Variants in SPINK8 observed in about 807,000 individuals in gnomAD.
SPINK8 encodes the protein serine peptidase inhibitor Kazal type 8 (putative).
A neutral mutation model predicts 14.4 loss-of-function variants in SPINK8; 12 were observed. That is an observed-to-expected ratio of 0.83 (90% CI 0.53 to 1.35). The LOEUF is 1.35. Ranked by LOEUF, SPINK8 falls within the 40% of genes most tolerant of loss-of-function variation. The pLI is 0.00. For synonymous variants in SPINK8, 32 were observed against 37.6 expected, an observed-to-expected ratio of 0.85 and a Z score of 0.55; for missense variants, 103 against 117.0, an observed-to-expected ratio of 0.88 and a Z score of 0.55.
intron 7 of SPINK8, among the ~76,000 whole-genome samples, chr3:48,309,576 A>G (rs549675334): frequency 6.6e-6 from 1 of 152,362 alleles, no homozygotes; most frequent in African/African-American, 2.4e-5. Context: ...ATTAGTTGTA[A>G]TAAGACCTTC....
chr3:48,332,199 A>T (rs112073313), intron 2 of SPINK8, among the ~76,000 whole-genome samples, 167 bp downstream of exon 2: 1 of 152,112 alleles, frequency 6.6e-6, no homozygotes, highest in Non-Finnish European at 1.5e-5. Flanking sequence ...CCTGAAGGCC[A>T]TGACTAAAGC....
chr3:48,333,159 G>A (rs2036287951), intron 1 of SPINK8, among the ~76,000 whole-genome samples: 1 of 152,076 alleles, frequency 6.6e-6, no homozygotes, highest in Non-Finnish European at 1.5e-5. Flanking sequence ...TTGCACATAT[G>A]GCACTTCGCT....
At chr3:48,319,987 G>A (rs774161270) in intron 5 of SPINK8, among the ~76,000 whole-genome samples, 11 of 151,804 alleles carry the variant, frequency 7.2e-5, no homozygotes, top group Non-Finnish European at 1.2e-4. Context: ...AAAATTAGCC[G>A]GGCGTGGTGG....
At chr3:48,324,679 T>C (rs2036116858) in intron 4 of SPINK8, among the ~76,000 whole-genome samples, 1 of 152,260 alleles carries the variant, frequency 6.6e-6, no homozygotes. Flanking sequence ...TCAATCCTTT[T>C]AGATTTATTG....
chr3:48,310,728 ACCTCAGGT>A (rs773715542), intron 6 of SPINK8, among the ~76,000 whole-genome samples: 1 of 152,034 alleles, frequency 6.6e-6, no homozygotes, highest in Non-Finnish European at 1.5e-5. Context: ...TGAACTCCTG[ACCTCAGGT>A]GATCCACCCG....
intron 4 of SPINK8, among the ~76,000 whole-genome samples, chr3:48,327,437 T>A (rs1163631770): frequency 6.6e-6 from 1 of 152,158 alleles, no homozygotes; most frequent in East Asian, 1.9e-4. Flanking sequence ...GAAAGGGTGA[T>A]TTGCAAGAAA....
chr3:48,320,130 CA>C (rs879883714), intron 5 of SPINK8, among the ~76,000 whole-genome samples: 6,893 of 113,118 alleles, frequency 0.061, 450 homozygotes, highest in African/African-American at 0.18. Context: ...ACTCCGTCTC[CA>C]AAAAAAAAAA....
At chr3:48,310,070 G>A (rs6793150) in intron 6 of SPINK8, 124 bp from the exon 7 acceptor site, 333,542 of 1,159,244 alleles carry the variant, frequency 0.29, 50,820 homozygotes, top group South Asian at 0.32. Flanking sequence ...ATGAATTCTT[G>A]GCAAATATTT....
At chr3:48,315,048 A>T (rs1171840566) in intron 6 of SPINK8, among the ~76,000 whole-genome samples, 4 of 152,198 alleles carry the variant, frequency 2.6e-5, no homozygotes, top group Non-Finnish European at 5.9e-5. Context: ...AGACTGGGAG[A>T]TTTATTGGTT....
At position 48,306,910 on chromosome 3, in the gene SPINK8, G is replaced by A. The variant is rs1004432053; in HGVS notation, c.*82C>T. The A allele has an allele frequency of 1.4e-6, 2 of 1,394,022 alleles. No individual in the cohort carries two copies. Among genetic ancestry groups the A allele is most frequent in the African/African-American group, 1.4e-5 (1 of 70,190 alleles). The allele number at this position is 1,394,022 out of a possible 1,614,324, so 86.4% of individuals were successfully genotyped here. A position where few individuals can be genotyped will look rare whatever the true frequency, so the allele number is the denominator to read the frequency against. On this transcript the variant is annotated 3_prime_UTR_variant, in exon 8 of 8. Transcript: ENST00000434006. ...TTGATCCAACCATTAGTAATTAAAG[G>A]GGATATATTTGAAGAGGCAACCATT...
intron 6 of SPINK8, among the ~76,000 whole-genome samples, chr3:48,315,082 T>C (rs919288984): frequency 6.6e-6 from 1 of 152,298 alleles, no homozygotes; most frequent in African/African-American, 2.4e-5. Flanking sequence ...GAAATTTTTT[T>C]CCAATCATTA....
At chr3:48,309,986 G>T (rs947038312) in intron 6 of SPINK8, 40 bp from the exon 7 acceptor site, 5 of 1,368,460 alleles carry the variant, frequency 3.7e-6, no homozygotes, top group Non-Finnish European at 3.8e-6. Context: ...TTGCTGTATG[G>T]TATATCATAA....
intron 6 of SPINK8, among the ~76,000 whole-genome samples, chr3:48,314,582 T>C (rs768962974): frequency 1.3e-5 from 2 of 152,136 alleles, no homozygotes; most frequent in Admixed American, 6.5e-5. Context: ...TACCAGAGAA[T>C]TGTCATTATT....
chr3:48,325,761 C>A (rs2036131477), intron 4 of SPINK8, among the ~76,000 whole-genome samples: 2 of 152,090 alleles, frequency 1.3e-5, no homozygotes, highest in African/African-American at 4.8e-5. Context: ...CCATGGCTGG[C>A]TAACTTTTGT....
intron 2 of SPINK8, among the ~76,000 whole-genome samples, chr3:48,331,250 G>A (rs924285090): frequency 2.6e-5 from 4 of 152,170 alleles, no homozygotes; most frequent in Non-Finnish European, 5.9e-5. Context: ...CCGGGAAGCC[G>A]CATTCTCCAT....
chr3:48,326,035 G>C (rs1044730035), intron 4 of SPINK8, among the ~76,000 whole-genome samples: 1 of 151,504 alleles, frequency 6.6e-6, no homozygotes, highest in African/African-American at 2.4e-5. Context: ...GGAGATGGGT[G>C]GGAAAAAAGA....
chr3:48,311,070 G>A (rs1418976832), intron 6 of SPINK8, among the ~76,000 whole-genome samples: 11 of 142,776 alleles, frequency 7.7e-5, no homozygotes, highest in Admixed American at 7.7e-4. Context: ...CAAGAATTCA[G>A]AGCGTTTCAA....
At chr3:48,330,325 C>T (rs2036235317) in intron 2 of SPINK8, among the ~76,000 whole-genome samples, 1 of 152,118 alleles carries the variant, frequency 6.6e-6, no homozygotes, top group African/African-American at 2.4e-5. Flanking sequence ...TCGAGACCGG[C>T]TTGGCCAACA....
At chr3:48,326,070 T>C (rs1422357189) in intron 4 of SPINK8, among the ~76,000 whole-genome samples, 9 of 152,108 alleles carry the variant, frequency 5.9e-5, no homozygotes, top group African/African-American at 1.9e-4. Context: ...GGACTCACTT[T>C]CCTGGAATTT....
Sources: allele counts gnomAD v4.1 joint callset (sites outside exome capture counted in the v4.1 genomes callset), GRCh38; gene constraint gnomAD v4.1.1; transcripts MANE v1.5; gene names NCBI Gene and HGNC (gene_info 2026-07-23, HGNC 2026-07-21).